Variants in SLC14A2 observed in about 807,000 individuals in gnomAD.
SLC14A2 encodes urea transporter 2.
A neutral mutation model predicts 104.6 loss-of-function variants in SLC14A2; 91 were observed. The observed-to-expected ratio is 0.87, with a 90% CI of 0.73 to 1.04. The LOEUF is 1.04. Ranked by LOEUF, SLC14A2 falls within the 50% of genes least tolerant of loss-of-function variation. SLC14A2 has a pLI of 0.00. For missense variants in SLC14A2, 1,189 were observed against 1,156.0 expected, an observed-to-expected ratio of 1.03 and a Z score of -0.41; for synonymous variants, 476 against 466.4, an observed-to-expected ratio of 1.02 and a Z score of -0.27.
intron 2 of SLC14A2, among the ~76,000 whole-genome samples, chr18:45,558,558 C>T (rs2044161450): frequency 6.6e-6 from 1 of 152,170 alleles, no homozygotes; most frequent in African/African-American, 2.4e-5. Flanking sequence ...AGCAGCATCA[C>T]CACAGGTGTT....
intron 2 of SLC14A2, among the ~76,000 whole-genome samples, chr18:45,510,183 C>T (rs554658192): frequency 6.6e-6 from 1 of 152,274 alleles, no homozygotes; most frequent in East Asian, 1.9e-4. Context: ...TGGCTTCTTA[C>T]AGGTGCTAAA....
intron 1 of SLC14A2, chr18:45,438,329 T>G (rs1234812747): frequency 6.6e-6 from 1 of 152,214 alleles, no homozygotes; most frequent in Non-Finnish European, 1.5e-5. Flanking sequence ...CTATTCCTAT[T>G]GCAACCACAA....
intron 2 of SLC14A2, among the ~76,000 whole-genome samples, chr18:45,540,736 C>A (rs2043872202): frequency 6.6e-6 from 1 of 151,974 alleles, no homozygotes; most frequent in Non-Finnish European, 1.5e-5. Flanking sequence ...CAGAGTGAGA[C>A]TTCATCTCAA....
At chr18:45,346,308 A>C (rs1318742513) in intron 1 of SLC14A2, among the ~76,000 whole-genome samples, 1 of 152,150 alleles carries the variant, frequency 6.6e-6, no homozygotes, top group Non-Finnish European at 1.5e-5. Flanking sequence ...GGCATGCACC[A>C]CCACATCTGG....
intron 1 of SLC14A2, among the ~76,000 whole-genome samples, chr18:45,410,485 C>G: frequency 6.6e-6 from 1 of 152,110 alleles, no homozygotes; most frequent in East Asian, 1.9e-4. Context: ...TATAAACTCT[C>G]TCTTAAAATG....
chr18:45,239,456 C>T (rs2084288672), intron 1 of SLC14A2, among the ~76,000 whole-genome samples: 1 of 152,198 alleles, frequency 6.6e-6, no homozygotes, highest in Non-Finnish European at 1.5e-5. Context: ...TGTATGCAAC[C>T]CCGGGCAGGA....
chr18:45,200,964 A>G, the SLC14A2 span, among the ~76,000 whole-genome samples: 2 of 152,046 alleles, frequency 1.3e-5, no homozygotes, highest in African/African-American at 4.8e-5. Flanking sequence ...GTACCACATT[A>G]CATTTAGTCA....
chr18:45,279,626 T>C (rs978929858), intron 1 of SLC14A2, among the ~76,000 whole-genome samples: 9 of 152,154 alleles, frequency 5.9e-5, no homozygotes, highest in African/African-American at 2.2e-4. Context: ...AAGATCTTTT[T>C]GCCAGGAGAG....
Position 45,551,753 on chromosome 18 carries a change from A to G in SLC14A2, c.-35+68431A>G, listed in dbSNP as rs532689683. 2.4e-4 allele frequency among the ~76,000 whole-genome samples: 36 copies of G among 152,290 alleles called. 2 individuals carry two copies. In the South Asian group the frequency reaches 7.5e-3, roughly 32 times the overall value. ...TGAAAGGTAGCACTTCTGCATGTCTAGTGGCTACAAATGTTGATACACTGG... is the reference window on the plus strand; with the variant it reads ...TGAAAGGTAGCACTTCTGCATGTCTGGTGGCTACAAATGTTGATACACTGG... On this transcript the variant is annotated intron_variant, in intron 2 of 20. Coordinates refer to the SLC14A2 transcript ENST00000586448.
chr18:45,278,134 G>C (rs1417721315), intron 1 of SLC14A2, among the ~76,000 whole-genome samples: 1 of 152,150 alleles, frequency 6.6e-6, no homozygotes, highest in African/African-American at 2.4e-5. Context: ...CTATTTCCAG[G>C]AGCTTTCCAT....
rs556211000 is a variant in SLC14A2, at chr18:45,222,916, G to A, written c.-125+9725G>A. Among the ~76,000 whole-genome samples the A allele has an allele frequency of 3.9e-5, 6 of 152,120 alleles. 1 individual carries two copies. The highest frequency in any genetic ancestry group is 2.1e-4 in the South Asian group (1 of 4,814). ...TCCCCAGTGATACTCAGCTGAGGCC[G>A]CAGAAAACCCTTTACTTCCCACTCA... On this transcript the variant is annotated intron_variant, in intron 1 of 20. Coordinates refer to the SLC14A2 transcript ENST00000586448.
At chr18:45,677,855 C>A (rs964266350) in intron 18 of SLC14A2, among the ~76,000 whole-genome samples, 1 of 152,174 alleles carries the variant, frequency 6.6e-6, no homozygotes, top group Non-Finnish European at 1.5e-5. Flanking sequence ...TGCTCTGTCA[C>A]CCAGGCTAGA....
chr18:45,597,711 T>C (rs753038936), intron 2 of SLC14A2, among the ~76,000 whole-genome samples: 7 of 152,140 alleles, frequency 4.6e-5, no homozygotes, highest in Admixed American at 6.5e-5. Flanking sequence ...AAAGGAACGC[T>C]TAGGCTGCTG....
At chr18:45,246,255 G>A (rs1170495140) in intron 1 of SLC14A2, among the ~76,000 whole-genome samples, 1 of 152,098 alleles carries the variant, frequency 6.6e-6, no homozygotes, top group Non-Finnish European at 1.5e-5. Flanking sequence ...GAGGCCTCGG[G>A]ACAAAACCTA....
At chr18:45,404,609 C>T (rs1302601213) in intron 1 of SLC14A2, among the ~76,000 whole-genome samples, 4 of 152,202 alleles carry the variant, frequency 2.6e-5, no homozygotes, top group Admixed American at 6.5e-5. Flanking sequence ...ATACCCCCAT[C>T]GCTAGTGAGT....
At chr18:45,339,032 G>A (rs1271891084) in intron 1 of SLC14A2, among the ~76,000 whole-genome samples, 1 of 152,124 alleles carries the variant, frequency 6.6e-6, no homozygotes, top group African/African-American at 2.4e-5. Context: ...CTCCTCCGGG[G>A]TTCAAGCAAT....
chr18:45,609,564 A>T (rs1353169237), intron 2 of SLC14A2, among the ~76,000 whole-genome samples: 1 of 152,182 alleles, frequency 6.6e-6, no homozygotes, highest in African/African-American at 2.4e-5. Context: ...TGAGGGTACC[A>T]CAATTAAAGC....
At chr18:45,241,350 G>A (rs2084313743) in intron 1 of SLC14A2, among the ~76,000 whole-genome samples, 1 of 152,320 alleles carries the variant, frequency 6.6e-6, no homozygotes, top group Non-Finnish European at 1.5e-5. Context: ...TGAGAGGAGC[G>A]AGAATGAAGA....
intron 2 of SLC14A2, among the ~76,000 whole-genome samples, chr18:45,538,152 G>C (rs1000170646): frequency 6.6e-6 from 1 of 152,270 alleles, no homozygotes; most frequent in South Asian, 2.1e-4. Flanking sequence ...TCTCAGAGCT[G>C]AGAATCAGAT....
Sources: gnomAD v4.1 joint callset for allele counts (sites outside exome capture counted in the v4.1 genomes callset) on GRCh38, gnomAD v4.1.1 for gene constraint, MANE v1.5 for transcripts, NCBI Gene and HGNC (gene_info 2026-07-23, HGNC 2026-07-21) for gene names.